The following FGF13 variants were observed in gnomAD, a reference collection of about 807,000 sequenced individuals.
FGF13 encodes fibroblast growth factor homologous factor 2.
A neutral mutation model predicts 19.5 loss-of-function variants in FGF13; 2 were observed. That is an observed-to-expected ratio of 0.10 (90% CI 0.04 to 0.32). FGF13 has a LOEUF of 0.32. FGF13 is among the 10% of genes least tolerant of loss of function. The pLI, the probability that FGF13 is intolerant of heterozygous loss-of-function variation, is 1.00. For missense variants in FGF13, 113 were observed against 192.7 expected, an observed-to-expected ratio of 0.59 and a Z score of 2.45; for synonymous variants, 72 against 76.9, an observed-to-expected ratio of 0.94 and a Z score of 0.33.
intron 3 of FGF13, among the ~76,000 whole-genome samples, chrX:138,679,213 A>T (rs1206427501): frequency 9.0e-6 from 1 of 110,639 alleles, no homozygotes; most frequent in Non-Finnish European, 1.9e-5. Context: ...AGTAGTTGGG[A>T]CTACAAGCAC....
intron 1 of FGF13, among the ~76,000 whole-genome samples, chrX:139,144,332 C>A (rs758925701): frequency 2.3e-4 from 26 of 112,315 alleles, no homozygotes; most frequent in African/African-American, 7.4e-4. Context: ...ACCCTGGAGA[C>A]AAGAAGTTGC....
At chrX:138,814,187 A>G (rs1294250141) in intron 3 of FGF13, among the ~76,000 whole-genome samples, 1 of 110,486 alleles carries the variant, frequency 9.1e-6, no homozygotes, top group African/African-American at 3.3e-5. Flanking sequence ...TAATCCCAAT[A>G]AAAATAACAA....
chrX:139,194,980 C>A (rs986546893), intron 1 of FGF13, among the ~76,000 whole-genome samples: 2 of 112,001 alleles, frequency 1.8e-5, no homozygotes, highest in African/African-American at 6.5e-5. Context: ...GCCAGGAAGG[C>A]GCTTTGTCAT....
At chrX:138,705,487 G>A (rs1219232015) in intron 2 of FGF13, among the ~76,000 whole-genome samples, 1 of 111,807 alleles carries the variant, frequency 8.9e-6, no homozygotes, top group East Asian at 2.8e-4. Flanking sequence ...TAACTATATA[G>A]CAAAACTATG....
At chrX:138,814,712 T>C (rs184930316) in intron 3 of FGF13, among the ~76,000 whole-genome samples, 93 of 111,356 alleles carry the variant, frequency 8.4e-4, no homozygotes, top group African/African-American at 2.7e-3. Flanking sequence ...GGGGAGGATG[T>C]AGGGAATATC....
intron 1 of FGF13, among the ~76,000 whole-genome samples, chrX:138,959,530 A>G (rs1347731639): frequency 9.0e-6 from 1 of 111,572 alleles, no homozygotes; most frequent in Admixed American, 9.5e-5. Flanking sequence ...ATAGCTGTCT[A>G]TTAGGTCTGG....
At chrX:138,730,393 ACTG>A (rs746817741) in intron 1 of FGF13, among the ~76,000 whole-genome samples, 132 of 111,777 alleles carry the variant, frequency 1.2e-3, no homozygotes, top group African/African-American at 4.2e-3. Flanking sequence ...ATGAGTATTG[ACTG>A]CTATTAAAAA....
At chrX:139,014,163 A>C (rs112087615) in intron 1 of FGF13, among the ~76,000 whole-genome samples, 3,413 of 111,637 alleles carry the variant, frequency 0.031, 50 homozygotes, top group Non-Finnish European at 0.049. Flanking sequence ...AAGAAATAAA[A>C]AACTTAAAAT....
intron 3 of FGF13, among the ~76,000 whole-genome samples, chrX:138,758,032 T>A (rs1182885560): frequency 8.9e-6 from 1 of 112,002 alleles, no homozygotes; most frequent in Non-Finnish European, 1.9e-5. Context: ...AGTACTGAAA[T>A]TCAGCTCTAA....
At chrX:138,686,609 A>C (rs747490455) in intron 3 of FGF13, among the ~76,000 whole-genome samples, 12 of 111,928 alleles carry the variant, frequency 1.1e-4, no homozygotes, top group Non-Finnish European at 1.9e-4. Context: ...ATCTTAATAT[A>C]CTTACGCCTC....
intron 1 of FGF13, among the ~76,000 whole-genome samples, chrX:139,030,113 A>G (rs751915618): frequency 9.0e-6 from 1 of 111,722 alleles, no homozygotes; most frequent in Non-Finnish European, 1.9e-5. Context: ...AGACAGAGTT[A>G]GCCTGGCAAG....
chrX:139,136,036 C>T (rs961061950), intron 1 of FGF13, among the ~76,000 whole-genome samples: 5 of 111,813 alleles, frequency 4.5e-5, no homozygotes, highest in Non-Finnish European at 7.5e-5. Flanking sequence ...CTTCTAATTA[C>T]CTTTCAAGAT....
At chrX:139,129,154 T>TAC (rs753541740) in intron 1 of FGF13, among the ~76,000 whole-genome samples, 1,068 of 93,006 alleles carry the variant, frequency 0.011, 4 homozygotes, top group Non-Finnish European at 0.012. Context: ...CATACACACA[T>TAC]ACACACACAC....
At chrX:138,755,183 G>C (rs2090424283) in intron 3 of FGF13, among the ~76,000 whole-genome samples, 1 of 111,799 alleles carries the variant, frequency 8.9e-6, no homozygotes, top group Non-Finnish European at 1.9e-5. Context: ...TTTTATGAGG[G>C]CAGTAATCTT....
At chrX:138,694,434 C>CTTTTTTCTTTTCTTTTCTTTTTTTT (rs2089870552) in intron 3 of FGF13, among the ~76,000 whole-genome samples, 1 of 103,232 alleles carries the variant, frequency 9.7e-6, no homozygotes, top group African/African-American at 3.5e-5. Flanking sequence ...TTAATTTTTT[C>CTTTTTTCTTTTCTTTTCTTTTTTTT]TTTTTTCTTT....
intron 1 of FGF13, among the ~76,000 whole-genome samples, chrX:139,097,843 A>T (rs919139550): frequency 8.9e-6 from 1 of 112,150 alleles, no homozygotes; most frequent in Non-Finnish European, 1.9e-5. Flanking sequence ...TTGACTATAT[A>T]GAATAAAAGA....
At chrX:139,164,093 C>CTTT (rs56733431) in intron 1 of FGF13, among the ~76,000 whole-genome samples, 74 of 93,806 alleles carry the variant, frequency 7.9e-4, no homozygotes, top group African/African-American at 2.4e-3. Context: ...GCTGAGTTTT[C>CTTT]TTTTTTTTTT....
At chrX:138,892,426 A>C (rs1213261101) in intron 1 of FGF13, among the ~76,000 whole-genome samples, 2 of 112,119 alleles carry the variant, frequency 1.8e-5, no homozygotes, top group Non-Finnish European at 3.8e-5. Flanking sequence ...AGAAAGATTA[A>C]GTAGGGAATT....
At chrX:139,126,708 C>T (rs146272255) in intron 1 of FGF13, among the ~76,000 whole-genome samples, 1 of 111,946 alleles carries the variant, frequency 8.9e-6, no homozygotes, top group African/African-American at 3.2e-5. Context: ...CTCCAGTAGA[C>T]AGGTGTGGCT....
Sources: allele counts gnomAD v4.1 joint callset (sites outside exome capture counted in the v4.1 genomes callset), GRCh38; gene constraint gnomAD v4.1.1; transcripts MANE v1.5; gene names NCBI Gene and HGNC (gene_info 2026-07-23, HGNC 2026-07-21).